The following DISP2 variants were observed in gnomAD, a reference collection of about 807,000 sequenced individuals.
DISP2 encodes the protein dispatched RND transporter family member 2, also known as protein dispatched homolog 2.
Under a neutral mutation model 95.5 loss-of-function variants are expected in DISP2, and 59 were observed. That is an observed-to-expected ratio of 0.62 (90% CI 0.50 to 0.77). DISP2 has a LOEUF of 0.77. DISP2 is among the 30% of genes least tolerant of loss of function. The probability of loss-of-function intolerance (pLI) is 0.00; values close to 1 mark genes in which losing one functional copy is unlikely to be tolerated. For missense variants in DISP2, 1,752 were observed against 1,854.6 expected (o/e 0.94, Z 1.02); for synonymous variants, 827 against 815.0 (o/e 1.01, Z -0.25).
rs554888336 is a variant in DISP2, at chr15:40,369,581, G to A, written c.3469G>A (p.Gly1157Arg). ...ACCAGGGTCAGTGGGAGGGATGCCC[G>A]GGTCCTGCTCAGAGCAATATGAGCT... is the stretch of plus-strand genomic sequence containing the variant. ...PRPGSVGGMP[G>R]SCSEQYELQP... The change falls in exon 8 of 8, where the codon GGG (glycine) becomes AGG (arginine). Residue 1157 changes from glycine (G) to arginine (R), a missense_variant. Physicochemically the swap from Gly to Arg is moderately radical, Grantham distance 125. Coordinates refer to ENST00000267889, the MANE Select transcript of DISP2 (RefSeq NM_033510.3). 4.3e-5 allele frequency: 70 copies of A among 1,611,768 alleles called. No individual in the cohort carries two copies. The East Asian group carries it at 9.1e-4, about 21-fold the overall frequency.
rs375725325 is a variant in DISP2, at chr15:40,364,458, C to T, written c.517C>T (p.Leu173=). Residue 173 remains leucine (L), a synonymous_variant, in exon 4 of 8, where the codon CTG becomes TTG. Transcript: ENST00000267889. ...QLIAEWPVAV[L]MLCLAVIFLC... is the part of the protein sequence containing the mutation. Reference sequence around the variant, plus strand: ...GATTGCTGAGTGGCCAGTGGCCGTGCTGATGCTGTGTCTGGCTGTCATCTT... The same window carrying T: ...GATTGCTGAGTGGCCAGTGGCCGTGTTGATGCTGTGTCTGGCTGTCATCTT... 144 of 1,613,918 alleles carry T rather than the reference C, an allele frequency of 8.9e-5. No individual in the cohort carries two copies. Among genetic ancestry groups the T allele is most frequent in the Non-Finnish European group, 1.1e-4 (131 of 1,180,054 alleles).
Position 40,369,579 on chromosome 15 carries a change from C to T in DISP2, c.3467C>T (p.Pro1156Leu). 6.2e-7 allele frequency: 1 copy of T among 1,611,914 alleles called. No homozygotes were observed. The highest frequency in any genetic ancestry group is 1.6e-4 in the Middle Eastern group (1 of 6,062). The change falls in exon 8 of 8, where the codon CCC becomes CTC. Residue 1156 changes from proline to leucine, a missense_variant. Transcript: ENST00000267889. ...RPRPGSVGGMPGSCSEQYELQ... is the reference protein window; with the variant it reads ...RPRPGSVGGMLGSCSEQYELQ... The stretch of plus-strand genomic sequence containing the variant: ...CGACCAGGGTCAGTGGGAGGGATGC[C>T]CGGGTCCTGCTCAGAGCAATATGAG...
At position 40,362,862 on chromosome 15, in the gene DISP2, A is replaced by G. The variant is rs1317060336; in HGVS notation, c.120-763A>G. On this transcript the variant is annotated intron_variant, in intron 1 of 7. Coordinates refer to ENST00000267889, the MANE Select transcript of DISP2 (RefSeq NM_033510.3). ...CACGTGCTCAATAATCTGTCTGGCA[A>G]GAGAAAGAGCAGACGACTGCAGCAG... 2.6e-5 allele frequency among the ~76,000 whole-genome samples: 4 copies of G among 152,240 alleles called. No homozygotes were observed. In the East Asian group the frequency reaches 5.8e-4, roughly 22 times the overall value.
rs745925590 is a variant in DISP2, at chr15:40,368,578, G to C, written c.2466G>C (p.Gln822His). The C allele has an allele frequency of 3.1e-6, 5 of 1,604,504 alleles. No individual in the cohort carries two copies. The highest frequency in any genetic ancestry group is 4.2e-6 in the Non-Finnish European group (5 of 1,179,920). The change falls in exon 8 of 8, where the codon CAG (glutamine) becomes CAC (histidine). Residue 822 changes from glutamine (Q) to histidine (H), a missense_variant. By Grantham distance (24) the Gln-to-His change is conservative. This residue lies in a region of DISP2 where 732 missense variants were observed against 714.6 expected (regional missense o/e 1.02). Transcript: ENST00000267889. ...CACTCTGTCACCGGGCCCGGAATCA[G>C]AGCTTCTTCGACACCCTGCAGGAAG... is the stretch of plus-strand genomic sequence containing the variant. ...LLALCHRARNQSFFDTLQEGW... is the reference protein window; with the variant it reads ...LLALCHRARNHSFFDTLQEGW...
chr15:40,370,594 C>T lies in DISP2; in HGVS notation c.*276C>T, dbSNP rs1889627165. On this transcript the variant is annotated 3_prime_UTR_variant, in exon 8 of 8. Coordinates refer to ENST00000267889, the MANE Select transcript of DISP2 (RefSeq NM_033510.3). ...TCCCACAGCACCATCTAAGACCCCT[C>T]CTCTAGAAGTGGGGAAGGCCAGATG... The T allele has an allele frequency of 1.5e-6, 1 of 652,800 alleles. No homozygotes were observed. The highest frequency in any genetic ancestry group is 2.4e-4 in the Middle Eastern group (1 of 4,126). 40.4% of individuals were successfully genotyped at this position (652,800 alleles called of 1,614,324 possible). A position where few individuals can be genotyped will look rare whatever the true frequency, so the allele number is the denominator to read the frequency against.
intron 1 of DISP2, among the ~76,000 whole-genome samples, chr15:40,360,956 G>A (rs1300274879): frequency 2.0e-5 from 3 of 152,190 alleles, no homozygotes; most frequent in African/African-American, 7.2e-5. Flanking sequence ...AGAAAAACCC[G>A]CAGAATTTAA....
rs1201825825 is a variant in DISP2, at chr15:40,368,480, C to G, written c.2368C>G (p.Arg790Gly). The G allele has an allele frequency of 6.2e-7, 1 of 1,608,962 alleles. No homozygotes were observed. The highest frequency in any genetic ancestry group is 1.1e-5 in the South Asian group (1 of 91,058). ...PVDTGDPLDP[R>G]SNSSLVRDPA... The stretch of plus-strand genomic sequence containing the variant: ...GGACACTGGCGACCCTCTGGACCCT[C>G]GTAGCAACAGCAGCCTGGTGAGGGA... Residue 790 changes from arginine (R) to glycine (G), a missense_variant, in exon 8 of 8, where the codon CGT (arginine) becomes GGT (glycine). By Grantham distance (125) the Arg-to-Gly change is moderately radical. Around this residue, in one of 5 missense-constraint regions of DISP2, gnomAD observed 732 missense variants for 714.6 expected, o/e 1.02. Transcript: ENST00000267889.
rs1889724735 is a variant in DISP2, at chr15:40,375,826, C to G, written c.*5508C>G. 1 of 152,282 alleles carries G rather than the reference C, an allele frequency of 6.6e-6. No homozygotes were observed. The allele number at this position is 152,282 out of a possible 1,614,324, so 9.4% of individuals were successfully genotyped here. ...TAATCAGTTTCCAGAGCCGCCTTCT[C>G]CATATGTTCCCCTCCTTATATTGGT... On this transcript the variant is annotated 3_prime_UTR_variant, in exon 8 of 8. Coordinates refer to ENST00000267889, the MANE Select transcript of DISP2 (RefSeq NM_033510.3).
chr15:40,377,238 G>A lies in DISP2; in HGVS notation c.*6920G>A, dbSNP rs901891537. ...ACTCAGGAGGCTGAGGCAGGCGAAT[G>A]GCGTGAACCCGGGAGGCGGAGCTTG... On this transcript the variant is annotated 3_prime_UTR_variant, in exon 8 of 8. Transcript: ENST00000267889. The A allele has an allele frequency of 6.6e-6, 1 of 152,042 alleles. No individual in the cohort carries two copies. Among genetic ancestry groups the A allele is most frequent in the Non-Finnish European group, 1.5e-5 (1 of 68,044 alleles). The allele number at this position is 152,042 out of a possible 1,614,324, so 9.4% of individuals were successfully genotyped here. A position where few individuals can be genotyped will look rare whatever the true frequency, so the allele number is the denominator to read the frequency against.
In DISP2 at chr15:40,368,023, G is replaced by T; in HGVS notation, c.1911G>T (p.Leu637=). 1 of 1,532,908 alleles carries T rather than the reference G, an allele frequency of 6.5e-7. No individual in the cohort carries two copies. The highest frequency in any genetic ancestry group is 8.7e-7 in the Non-Finnish European group (1 of 1,145,560). The allele number at this position is 1,532,908 out of a possible 1,614,324, so 95.0% of individuals were successfully genotyped here. A position where few individuals can be genotyped will look rare whatever the true frequency, so the allele number is the denominator to read the frequency against. Residue 637 remains leucine, a synonymous_variant, in exon 8 of 8, where the codon CTG becomes CTT. Coordinates refer to ENST00000267889, the MANE Select transcript of DISP2 (RefSeq NM_033510.3). ...ACCTGGCGCTCACGCTGGTCTGGCTGCCCGCCTCCGCCGTGCTCCACGAGC... is the reference window on the plus strand; with the variant it reads ...ACCTGGCGCTCACGCTGGTCTGGCTTCCCGCCTCCGCCGTGCTCCACGAGC... The part of the protein sequence containing the change: ...LVHLALTLVW[L]PASAVLHERY...
rs765714890 is a variant in DISP2 at position 40,367,233 on chromosome 15, A to G, written c.1121A>G (p.Tyr374Cys). 6.2e-7 allele frequency: 1 copy of G among 1,613,880 alleles called. No individual in the cohort carries two copies. Among genetic ancestry groups the G allele is most frequent in the Non-Finnish European group, 8.5e-7 (1 of 1,179,968 alleles). Residue 374 changes from tyrosine (Y) to cysteine (C), a missense_variant, in exon 8 of 8, where the codon TAC (tyrosine) becomes TGC (cysteine). By Grantham distance (194) the Tyr-to-Cys change is radical (BLOSUM62 -2). Transcript: ENST00000267889. Reference protein sequence around the residue: ...TLALLRTCALYYHSGALVPSC... With the variant: ...TLALLRTCALCYHSGALVPSC... ...GCCCTGCTTCGGACCTGTGCCCTCTACTACCACAGTGGCGCCTTGGTGCCC... is the reference window on the plus strand; with the variant it reads ...GCCCTGCTTCGGACCTGTGCCCTCTGCTACCACAGTGGCGCCTTGGTGCCC...
intron 1 of DISP2, among the ~76,000 whole-genome samples, chr15:40,362,840 G>T (rs550376413): frequency 1.3e-5 from 2 of 152,212 alleles, no homozygotes; most frequent in African/African-American, 4.8e-5. Flanking sequence ...AGTGCAGCAC[G>T]TGCTCAATAA....
rs1200163618 is a variant in DISP2, at chr15:40,369,001, G to T, written c.2889G>T (p.Glu963Asp). ...GCCTGCAGCACAGCCTGAGCACTGA[G>T]CCTGCTGTGGTGCTGGGCCTGGCTT... ...LYSLQHSLST[E>D]PAVVLGLALA... Residue 963 changes from glutamate (E) to aspartate (D), a missense_variant, in exon 8 of 8, where the codon GAG (glutamate) becomes GAT (aspartate). Physicochemically the swap from Glu to Asp is conservative, Grantham distance 45. Coordinates refer to ENST00000267889, the MANE Select transcript of DISP2 (RefSeq NM_033510.3). 6.2e-7 allele frequency: 1 copy of T among 1,614,004 alleles called. No homozygotes were observed. The highest frequency in any genetic ancestry group is 1.1e-5 in the South Asian group (1 of 91,084).
At chr15:40,359,243 A>C (rs1418364153) in intron 1 of DISP2, among the ~76,000 whole-genome samples, 2 of 152,180 alleles carry the variant, frequency 1.3e-5, no homozygotes, top group African/African-American at 4.8e-5. Flanking sequence ...CTGACATGAC[A>C]CTGCCTCTTT....
At position 40,370,864 on chromosome 15, in the gene DISP2, C is replaced by T. The variant is rs1182213149; in HGVS notation, c.*546C>T. 6.1e-6 allele frequency: 2 copies of T among 328,316 alleles called. No individual in the cohort carries two copies. The highest frequency in any genetic ancestry group is 3.8e-5 in the Admixed American group (1 of 26,328). The allele number at this position is 328,316 out of a possible 1,614,324, so 20.3% of individuals were successfully genotyped here. A position where few individuals can be genotyped will look rare whatever the true frequency, so the allele number is the denominator to read the frequency against. ...GCTGGGACCTCTCTCCCCAACTGCC[C>T]TGCTCTCCTCATACTCACCGGTTTG... On this transcript the variant is annotated 3_prime_UTR_variant, in exon 8 of 8. Transcript: ENST00000267889.
Position 40,370,363 on chromosome 15 carries a change from A to G in DISP2, c.*45A>G. The G allele has an allele frequency of 8.0e-6, 12 of 1,507,004 alleles. No individual in the cohort carries two copies. Among genetic ancestry groups the G allele is most frequent in the Non-Finnish European group, 8.8e-6 (10 of 1,131,868 alleles). The allele number at this position is 1,507,004 out of a possible 1,614,324, so 93.4% of individuals were successfully genotyped here. A position where few individuals can be genotyped will look rare whatever the true frequency, so the allele number is the denominator to read the frequency against. ...GACAGGGCGCGGAACCCTGTCATGG[A>G]TGACAAGGCAAGGGCAGCAATAGGC... On this transcript the variant is annotated 3_prime_UTR_variant, in exon 8 of 8. Transcript: ENST00000267889.
intron 1 of DISP2, among the ~76,000 whole-genome samples, chr15:40,362,654 A>T (rs780758458): frequency 6.6e-5 from 10 of 152,212 alleles, no homozygotes; most frequent in Admixed American, 2.6e-4. Context: ...CAAGATAGGG[A>T]GATTGAGACC....
chr15:40,374,014 A>AAAAAAAAAAAATATATATATATATATAT lies in DISP2; in HGVS notation c.*3697_*3698insAAAAAAAAAATATATATATATATATATA. The AAAAAAAAAAAATATATATATATATATAT allele has an allele frequency of 3.1e-4, 32 of 104,152 alleles. No individual in the cohort carries two copies. Among genetic ancestry groups the AAAAAAAAAAAATATATATATATATATAT allele is most frequent in the African/African-American group, 1.2e-3 (28 of 23,948 alleles). The allele number at this position is 104,152 out of a possible 1,614,324, so 6.5% of individuals were successfully genotyped here. On this transcript the variant is annotated 3_prime_UTR_variant, in exon 8 of 8. Transcript: ENST00000267889. ...GCGAGACTCCATCTTAAAAAAAAAAAATATATATATATATATATGTAAACT... is the reference window on the plus strand; with the variant it reads ...GCGAGACTCCATCTTAAAAAAAAAAAAAAAAAAAAAATATATATATATATATATATATATATATATATATATGTAAACT...
At chr15:40,359,636 C>T (rs899916421) in intron 1 of DISP2, among the ~76,000 whole-genome samples, 3 of 152,224 alleles carry the variant, frequency 2.0e-5, no homozygotes, top group African/African-American at 7.2e-5. Flanking sequence ...AAGGATCAGC[C>T]ATGTCCAGTC....
Sources: allele counts gnomAD v4.1 joint callset (sites outside exome capture counted in the v4.1 genomes callset), GRCh38; gene constraint gnomAD v4.1.1; regional missense constraint gnomAD v4.1.1; transcripts MANE v1.5; gene names NCBI Gene and HGNC (gene_info 2026-07-23, HGNC 2026-07-21).